PECR: variants seen among roughly 807,000 people sequenced by gnomAD.
The protein encoded by PECR is 2,4-dienoyl-CoA reductase-related protein.
Under a neutral mutation model 35.3 loss-of-function variants are expected in PECR, and 30 were observed. That is an observed-to-expected ratio of 0.85 (90% CI 0.64 to 1.15). The LOEUF (loss-of-function observed/expected upper bound fraction) is 1.15, where lower values mean the gene tolerates loss of function less well. PECR is among the 50% of genes most tolerant of loss of function. The pLI, the probability that PECR is intolerant of heterozygous loss-of-function variation, is 0.00. For missense variants in PECR, 392 were observed against 370.8 expected, an observed-to-expected ratio of 1.06 and a Z score of -0.47; for synonymous variants, 148 against 138.9, an observed-to-expected ratio of 1.07 and a Z score of -0.46.
Position 216,049,975 on chromosome 2 carries a change from T to C in PECR, c.604-602A>G, listed in dbSNP as rs1695072618. 1.3e-5 allele frequency among the ~76,000 whole-genome samples: 2 copies of C among 152,280 alleles called. 1 individual carries two copies. Among genetic ancestry groups the C allele is most frequent in the Middle Eastern group, 6.8e-3 (2 of 294 alleles). On this transcript the variant is annotated intron_variant, in intron 5 of 7. Coordinates refer to ENST00000265322, the MANE Select transcript of PECR (RefSeq NM_018441.6). Reference sequence around the variant, plus strand: ...GCTCATGCCTGTAATCCCAGCACTTTGCGAGGGTGAAGCTGGAGGATTGTG... The same window carrying C: ...GCTCATGCCTGTAATCCCAGCACTTCGCGAGGGTGAAGCTGGAGGATTGTG...
At chr2:216,029,604 T>G (rs921414556) in intron 7 of PECR, among the ~76,000 whole-genome samples, 1 of 152,130 alleles carries the variant, frequency 6.6e-6, no homozygotes, top group East Asian at 1.9e-4. Flanking sequence ...AAACACAAAC[T>G]TGTTATCCCT....
At chr2:216,031,697 GAA>G (rs200151037) in intron 7 of PECR, among the ~76,000 whole-genome samples, 3 of 126,840 alleles carry the variant, frequency 2.4e-5, no homozygotes, top group Admixed American at 7.6e-5. Flanking sequence ...GAAAGAGAAA[GAA>G]AGAAAGAAAG....
chr2:216,077,188 G>T (rs894864444), intron 1 of PECR, among the ~76,000 whole-genome samples: 1 of 148,532 alleles, frequency 6.7e-6, no homozygotes, highest in South Asian at 2.4e-4. Context: ...ATGAGCCACC[G>T]CGCCTGGCCC....
At chr2:216,050,083 A>G (rs1365458102) in intron 5 of PECR, among the ~76,000 whole-genome samples, 2 of 152,152 alleles carry the variant, frequency 1.3e-5, no homozygotes. Flanking sequence ...TTAGCTGGGC[A>G]TGGTGGTACC....
intron 4 of PECR, among the ~76,000 whole-genome samples, chr2:216,052,513 GT>G (rs944048017): frequency 3.3e-5 from 5 of 152,292 alleles, no homozygotes; most frequent in Middle Eastern, 3.4e-3. Context: ...GGTTGGCATG[GT>G]TTTTTCTGTT....
chr2:216,034,574 T>C (rs1694763843), downstream of PECR, among the ~76,000 whole-genome samples: 1 of 152,180 alleles, frequency 6.6e-6, no homozygotes, highest in African/African-American at 2.4e-5. Context: ...AACTTCATTA[T>C]AGCTCTATTC....
chr2:216,049,649 T>C (rs922174850), intron 5 of PECR, among the ~76,000 whole-genome samples: 6 of 152,138 alleles, frequency 3.9e-5, no homozygotes, highest in East Asian at 1.9e-4. Context: ...AAGGTCATGA[T>C]TGTGTAAGTA....
intron 7 of PECR, among the ~76,000 whole-genome samples, chr2:216,042,951 GTA>G (rs200990474): frequency 8.0e-6 from 1 of 124,554 alleles, no homozygotes. Context: ...ACGTATATGT[GTA>G]TATATATATA....
At chr2:216,030,573 T>G (rs1177960758) in intron 7 of PECR, among the ~76,000 whole-genome samples, 1 of 152,026 alleles carries the variant, frequency 6.6e-6, no homozygotes, top group Non-Finnish European at 1.5e-5. Context: ...AGACGGGGTC[T>G]CGCCCTGTCA....
chr2:216,055,440 AAAAAAAAAAC>A (rs1187211762), intron 4 of PECR, among the ~76,000 whole-genome samples: 4 of 146,712 alleles, frequency 2.7e-5, no homozygotes, highest in Non-Finnish European at 4.6e-5. Context: ...TCCATCTCAA[AAAAAAAAAAC>A]AAAAAAACAA....
At chr2:216,074,345 A>G (rs555609703) in intron 1 of PECR, among the ~76,000 whole-genome samples, 25 of 152,222 alleles carry the variant, frequency 1.6e-4, no homozygotes, top group African/African-American at 6.0e-4. Context: ...TACTCAGGAG[A>G]CTAAGCCACG....
intron 1 of PECR, among the ~76,000 whole-genome samples, chr2:216,080,515 C>T (rs1040684551): frequency 6.6e-6 from 1 of 152,078 alleles, no homozygotes; most frequent in African/African-American, 2.4e-5. Flanking sequence ...TGCTTGACTC[C>T]GTTTCCTTAA....
chr2:216,061,878 CAT>C (rs1032228287), intron 3 of PECR, among the ~76,000 whole-genome samples: 31 of 151,910 alleles, frequency 2.0e-4, no homozygotes, highest in East Asian at 7.7e-4. Context: ...ATATAGAAAA[CAT>C]GTGTTTATAT....
chr2:216,051,537 C>G lies in PECR; in HGVS notation c.515G>C (p.Gly172Ala). ...GTTGTAAACACCTGCTCTTGCAGCT[C>G]CAGAATGCCTTTGAAAGACAAAACA... ...KAGFPLAVHS[G>A]AARAGVYNLT... Residue 172 changes from glycine (G) to alanine (A), a missense_variant, in exon 5 of 8, where the codon GGA becomes GCA. Physicochemically the swap from Gly to Ala is moderately conservative, Grantham distance 60 (BLOSUM62 0). Coordinates refer to ENST00000265322, the MANE Select transcript of PECR (RefSeq NM_018441.6). The G allele has an allele frequency of 6.2e-7, 1 of 1,603,954 alleles. No homozygotes were observed. The highest frequency in any genetic ancestry group is 1.7e-4 in the Middle Eastern group (1 of 6,050).
chr2:216,040,442 C>T (rs868128912), intron 7 of PECR, among the ~76,000 whole-genome samples: 95 of 152,002 alleles, frequency 6.2e-4, no homozygotes, highest in African/African-American at 2.1e-3. Flanking sequence ...TTTGTTGAGA[C>T]GGAGTTTTGC....
intron 1 of PECR, among the ~76,000 whole-genome samples, chr2:216,072,604 A>G (rs1695612126): frequency 6.6e-6 from 1 of 152,166 alleles, no homozygotes; most frequent in African/African-American, 2.4e-5. Context: ...GCTCCCACTT[A>G]TAAGTGAGAA....
At chr2:216,050,732 C>G (rs1188273899) in intron 5 of PECR, 1 of 152,274 alleles carries the variant, frequency 6.6e-6, no homozygotes, top group African/African-American at 2.4e-5. Context: ...GAAACCCCGT[C>G]TCTACTAAAA....
chr2:216,032,275 A>G (rs1004187846), intron 7 of PECR, among the ~76,000 whole-genome samples: 1 of 152,234 alleles, frequency 6.6e-6, no homozygotes, highest in Non-Finnish European at 1.5e-5. Flanking sequence ...CAAAAGCCAA[A>G]TGGTCCAAAA....
intron 1 of PECR, among the ~76,000 whole-genome samples, chr2:216,074,493 AAAGGAAGGAAGG>A (rs751542181): frequency 0.11 from 14,627 of 133,014 alleles, 895 homozygotes; most frequent in East Asian, 0.19. Flanking sequence ...AGAAAGAAAA[AAAGGAAGGAAGG>A]AAGGAAGGAA....
Sources: gnomAD v4.1 joint callset for allele counts (sites outside exome capture counted in the v4.1 genomes callset) on GRCh38, gnomAD v4.1.1 for gene constraint, MANE v1.5 for transcripts, NCBI Gene and HGNC (gene_info 2026-07-23, HGNC 2026-07-21) for gene names.